Variants in TOM1L2 observed in about 807,000 individuals in gnomAD.
TOM1L2 encodes target of myb1 like 2 membrane trafficking protein.
A neutral mutation model predicts 67.9 loss-of-function variants in TOM1L2; 31 were observed. The observed-to-expected ratio is 0.46, with a 90% CI of 0.34 to 0.62. The LOEUF (loss-of-function observed/expected upper bound fraction) is 0.62, where lower values mean the gene tolerates loss of function less well. Ranked by LOEUF, TOM1L2 falls within the 20% of genes least tolerant of loss-of-function variation. TOM1L2 has a pLI of 0.01. For synonymous variants in TOM1L2, 256 were observed against 254.0 expected (o/e 1.01, Z -0.07); for missense variants, 606 against 663.5 (o/e 0.91, Z 0.95).
chr17:17,880,043 G>A (rs1472070532), intron 6 of TOM1L2, among the ~76,000 whole-genome samples: 2 of 152,178 alleles, frequency 1.3e-5, no homozygotes, highest in African/African-American at 2.4e-5. Flanking sequence ...CTGGCTCTCC[G>A]TCTCGGCTCT....
chr17:17,920,020 G>T (rs1224596157), intron 1 of TOM1L2, among the ~76,000 whole-genome samples: 1 of 152,090 alleles, frequency 6.6e-6, no homozygotes, highest in Non-Finnish European at 1.5e-5. Context: ...TCCATCCTCA[G>T]GTAGAGGGTC....
chr17:17,869,783 C>T (rs2037058417), intron 7 of TOM1L2: 1 of 725,624 alleles, frequency 1.4e-6, no homozygotes, highest in African/African-American at 1.9e-5. Context: ...TTTTTCTCAA[C>T]AAAATATTCC....
chr17:17,948,262 C>T (rs189762501), intron 1 of TOM1L2, among the ~76,000 whole-genome samples: 1 of 152,140 alleles, frequency 6.6e-6, no homozygotes, highest in East Asian at 1.9e-4. Context: ...CGCCCTAGTC[C>T]CTACCTTGGA....
At chr17:17,900,983 G>A (rs561465524) in intron 2 of TOM1L2, among the ~76,000 whole-genome samples, 6 of 152,292 alleles carry the variant, frequency 3.9e-5, no homozygotes, top group Non-Finnish European at 7.3e-5. Context: ...TAGGAAGAGC[G>A]CCTGAGGGCT....
At chr17:17,894,605 T>C (rs1171365185) in intron 3 of TOM1L2, among the ~76,000 whole-genome samples, 1 of 152,224 alleles carries the variant, frequency 6.6e-6, no homozygotes, top group Non-Finnish European at 1.5e-5. Context: ...AGCTCTCCCT[T>C]GCAAGATTGT....
At chr17:17,883,773 G>A (rs1568161167) in intron 5 of TOM1L2, among the ~76,000 whole-genome samples, 2 of 152,186 alleles carry the variant, frequency 1.3e-5, no homozygotes, top group African/African-American at 4.8e-5. Context: ...CTTGCCCTTT[G>A]GGTATCTCAG....
At chr17:17,898,538 AG>A (rs1305781811) in intron 3 of TOM1L2, 57 bp downstream of exon 3, 3 of 1,580,474 alleles carry the variant, frequency 1.9e-6, no homozygotes, top group South Asian at 2.2e-5. Flanking sequence ...GAGGGGGGCA[AG>A]GCCAGGAGCA....
At chr17:17,893,022 C>T (rs1008663626) in intron 4 of TOM1L2, among the ~76,000 whole-genome samples, 1 of 152,234 alleles carries the variant, frequency 6.6e-6, no homozygotes, top group Non-Finnish European at 1.5e-5. Flanking sequence ...TCCTGAATTC[C>T]TGGCCCACAG....
At position 17,883,203 on chromosome 17, in the gene TOM1L2, C is replaced by A. The variant is rs538435577; in HGVS notation, c.502-340G>T. 5.9e-5 allele frequency among the ~76,000 whole-genome samples: 9 copies of A among 152,174 alleles called. No individual in the cohort carries two copies. In the South Asian group the frequency reaches 1.9e-3, roughly 32 times the overall value. ...CCTCGGGATCCAAGTGGAGGGAGGG[C>A]GGTTATTAAGTTTTGCTAATCACAG... On this transcript the variant is annotated intron_variant, in intron 5 of 14. Coordinates refer to ENST00000379504, the MANE Select transcript of TOM1L2 (RefSeq NM_001082968.2).
At chr17:17,852,245 A>G (rs1369973082) in intron 12 of TOM1L2, among the ~76,000 whole-genome samples, 2 of 152,250 alleles carry the variant, frequency 1.3e-5, no homozygotes, top group East Asian at 1.9e-4. Context: ...TCACAAAGAA[A>G]AAGAACAAAG....
intron 1 of TOM1L2, among the ~76,000 whole-genome samples, chr17:17,961,630 T>G: frequency 6.6e-6 from 1 of 151,914 alleles, no homozygotes; most frequent in Non-Finnish European, 1.5e-5. Flanking sequence ...TCCCAGCACT[T>G]TGGGAGGCCG....
intron 1 of TOM1L2, among the ~76,000 whole-genome samples, chr17:17,942,658 A>T (rs2040782592): frequency 6.6e-6 from 1 of 152,140 alleles, no homozygotes. Context: ...CAGAGTAAGT[A>T]ATTTGCCCCA....
chr17:17,859,850 C>T (rs2036457373), intron 12 of TOM1L2: 1 of 152,364 alleles, frequency 6.6e-6, no homozygotes, highest in Non-Finnish European at 1.5e-5. Flanking sequence ...CACTGCACCC[C>T]AACCTGGGCG....
At chr17:17,940,269 T>C (rs991551219) in intron 1 of TOM1L2, among the ~76,000 whole-genome samples, 7 of 147,666 alleles carry the variant, frequency 4.7e-5, no homozygotes, top group African/African-American at 1.8e-4. Context: ...GATGAGCTTA[T>C]ACGGGTCAAG....
intron 1 of TOM1L2, among the ~76,000 whole-genome samples, chr17:17,912,285 T>C (rs2039401808): frequency 6.6e-6 from 1 of 151,140 alleles, no homozygotes; most frequent in African/African-American, 2.4e-5. Flanking sequence ...GGCGGGGGGC[T>C]GACCCCCCCA....
At chr17:17,879,074 G>A (rs1014788429) in intron 7 of TOM1L2, among the ~76,000 whole-genome samples, 1 of 152,180 alleles carries the variant, frequency 6.6e-6, no homozygotes, top group Admixed American at 6.5e-5. Flanking sequence ...AATATGCCTG[G>A]GAATCCTCAG....
In TOM1L2 at chr17:17,847,408, T is replaced by G; in HGVS notation, c.*227A>C. ...GAAACATGGGCAGAGGGGCCCATGGTGGGAGGGGAGAGAGTCTCTGGCTGC... is the reference window on the plus strand; with the variant it reads ...GAAACATGGGCAGAGGGGCCCATGGGGGGAGGGGAGAGAGTCTCTGGCTGC... On this transcript the variant is annotated 3_prime_UTR_variant, in exon 15 of 15. Transcript: ENST00000379504. 1.7e-6 allele frequency: 1 copy of G among 576,192 alleles called. No homozygotes were observed. The highest frequency in any genetic ancestry group is 3.0e-6 in the Non-Finnish European group (1 of 335,120). The allele number at this position is 576,192 out of a possible 1,614,324, so 35.7% of individuals were successfully genotyped here. A position where few individuals can be genotyped will look rare whatever the true frequency, so the allele number is the denominator to read the frequency against.
chr17:17,900,228 A>C (rs2038780310), intron 2 of TOM1L2, among the ~76,000 whole-genome samples: 1 of 151,680 alleles, frequency 6.6e-6, no homozygotes, highest in Admixed American at 6.6e-5. Flanking sequence ...AAAATAAAAA[A>C]GAGAAAGTGT....
chr17:17,968,827 C>A (rs922389390), intron 1 of TOM1L2, among the ~76,000 whole-genome samples: 1 of 152,130 alleles, frequency 6.6e-6, no homozygotes, highest in African/African-American at 2.4e-5. Flanking sequence ...CCTCATTCAG[C>A]TGTCCCTAGG....
Sources: allele counts gnomAD v4.1 joint callset (sites outside exome capture counted in the v4.1 genomes callset), GRCh38; gene constraint gnomAD v4.1.1; transcripts MANE v1.5; gene names NCBI Gene and HGNC (gene_info 2026-07-23, HGNC 2026-07-21).